Variants in CLEC16A observed in about 807,000 individuals in gnomAD.
The protein encoded by CLEC16A is protein CLEC16A.
CLEC16A carries 51 observed loss-of-function variants against 109.5 expected under a neutral mutation model. The ratio of observed to expected loss-of-function variants is 0.47; its 90% CI spans 0.37 to 0.59. The LOEUF is 0.59. CLEC16A is among the 20% of genes least tolerant of loss of function. CLEC16A has a pLI of 0.00. For missense variants in CLEC16A, 1,339 were observed against 1,394.0 expected, an observed-to-expected ratio of 0.96 and a Z score of 0.63; for synonymous variants, 673 against 564.2, an observed-to-expected ratio of 1.19 and a Z score of -2.73.
At chr16:11,140,994 C>T (rs567463871) in intron 22 of CLEC16A, among the ~76,000 whole-genome samples, 5 of 152,196 alleles carry the variant, frequency 3.3e-5, no homozygotes, top group African/African-American at 9.7e-5. Flanking sequence ...TTCACGTTAT[C>T]GTAGTGTCAT....
intron 22 of CLEC16A, among the ~76,000 whole-genome samples, chr16:11,159,642 C>A (rs1259537202): frequency 6.6e-6 from 1 of 152,248 alleles, no homozygotes; most frequent in Non-Finnish European, 1.5e-5. Context: ...CATTAAGCTG[C>A]TTTCAAAGAC....
At chr16:10,986,731 ATGTG>A (rs59931468) in intron 10 of CLEC16A, among the ~76,000 whole-genome samples, 74 of 150,230 alleles carry the variant, frequency 4.9e-4, no homozygotes, top group Admixed American at 8.5e-4. Context: ...TTAAGGCTCA[ATGTG>A]TGTGTGTGTG....
intron 11 of CLEC16A, among the ~76,000 whole-genome samples, chr16:11,017,999 TAAAAA>T (rs34526192): frequency 2.9e-5 from 4 of 138,792 alleles, no homozygotes; most frequent in Non-Finnish European, 4.7e-5. Flanking sequence ...AAAGAGGTAT[TAAAAA>T]AAAAAAAAAA....
chr16:11,138,524 G>A (rs1393017198), intron 22 of CLEC16A, among the ~76,000 whole-genome samples: 1 of 152,220 alleles, frequency 6.6e-6, no homozygotes, highest in African/African-American at 2.4e-5. Context: ...GAAGGGTGGA[G>A]TGGGAAGGCC....
At chr16:11,045,795 C>G (rs1271885115) in intron 16 of CLEC16A, among the ~76,000 whole-genome samples, 2 of 152,216 alleles carry the variant, frequency 1.3e-5, no homozygotes, top group Non-Finnish European at 2.9e-5. Context: ...CCTGTACTTT[C>G]ATTATTCAAG....
At chr16:11,037,221 G>T (rs77177653) in intron 13 of CLEC16A, among the ~76,000 whole-genome samples, 1 of 152,190 alleles carries the variant, frequency 6.6e-6, no homozygotes, top group Non-Finnish European at 1.5e-5. Context: ...CCAAGAGGAC[G>T]GGCCCCCTGT....
At chr16:11,082,088 G>C (rs916817210) in intron 19 of CLEC16A, among the ~76,000 whole-genome samples, 10 of 152,172 alleles carry the variant, frequency 6.6e-5, no homozygotes, top group African/African-American at 2.2e-4. Context: ...CAGGCCTCAA[G>C]TATATGTATG....
intron 19 of CLEC16A, among the ~76,000 whole-genome samples, chr16:11,086,571 T>C (rs931517333): frequency 6.6e-6 from 1 of 152,072 alleles, no homozygotes; most frequent in Non-Finnish European, 1.5e-5. Flanking sequence ...AGACGGAGTT[T>C]TGCTCTTGTT....
intron 3 of CLEC16A, among the ~76,000 whole-genome samples, chr16:10,967,523 A>G (rs1035726284): frequency 2.0e-5 from 3 of 152,164 alleles, no homozygotes; most frequent in Non-Finnish European, 2.9e-5. Flanking sequence ...GGTGCACACC[A>G]TCACACCTGG....
intron 11 of CLEC16A, among the ~76,000 whole-genome samples, chr16:11,010,428 A>G (rs1393801776): frequency 1.3e-5 from 2 of 152,078 alleles, no homozygotes; most frequent in African/African-American, 4.8e-5. Flanking sequence ...TTTTATTTGA[A>G]AATAATTTCA....
intron 19 of CLEC16A, among the ~76,000 whole-genome samples, chr16:11,080,508 G>A (rs9652601): frequency 0.34 from 52,169 of 152,108 alleles, 9,087 homozygotes; most frequent in African/African-American, 0.39. Flanking sequence ...TCAGTAGCCC[G>A]TGTCTGGAAC....
Position 11,163,991 on chromosome 16 carries a change from C to T in CLEC16A, c.2642-2397C>T, listed in dbSNP as rs1187619326. Among the ~76,000 whole-genome samples the T allele has an allele frequency of 3.9e-5, 6 of 152,290 alleles. No homozygotes were observed. In the East Asian group the frequency reaches 1.2e-3, roughly 29 times the overall value. On this transcript the variant is annotated intron_variant, in intron 22 of 23. Coordinates refer to ENST00000409790, the MANE Select transcript of CLEC16A (RefSeq NM_015226.3). ...AAGTGAGCAGCTATAAAACTGGTTC[C>T]ATGAGGCTGCGGCTGAGTGTCCCCA...
At chr16:11,102,611 T>C in intron 19 of CLEC16A, among the ~76,000 whole-genome samples, 1 of 152,198 alleles carries the variant, frequency 6.6e-6, no homozygotes, top group East Asian at 1.9e-4. Flanking sequence ...AACCGCTTCA[T>C]TTGAGTGACA....
Position 11,148,517 on chromosome 16 carries a change from AG to A in CLEC16A, c.2642-17868del, listed in dbSNP as rs1251406489. On this transcript the variant is annotated intron_variant, in intron 22 of 23. Coordinates refer to ENST00000409790, the MANE Select transcript of CLEC16A (RefSeq NM_015226.3). ...TAATCCTCACAATGATGTATGACATAGGGATTATTTCCCCCATATTATGCCA... is the reference window on the plus strand; with the variant it reads ...TAATCCTCACAATGATGTATGACATAGGATTATTTCCCCCATATTATGCCA... Among the ~76,000 whole-genome samples the A allele has an allele frequency of 4.6e-5, 7 of 152,346 alleles. 1 individual carries two copies. The Middle Eastern group carries it at 0.014, about 296-fold the overall frequency.
intron 19 of CLEC16A, among the ~76,000 whole-genome samples, chr16:11,101,669 C>A (rs1488699428): frequency 1.3e-5 from 2 of 152,172 alleles, no homozygotes; most frequent in East Asian, 3.8e-4. Context: ...TGACAAAAAT[C>A]CTTGCCCTCA....
At chr16:11,125,099 C>T (rs773416022) in intron 21 of CLEC16A, among the ~76,000 whole-genome samples, 1 of 152,108 alleles carries the variant, frequency 6.6e-6, no homozygotes, top group African/African-American at 2.4e-5. Flanking sequence ...AAAATAAACC[C>T]TCAGAGGGCC....
rs1257669788 is a variant in CLEC16A, at chr16:11,178,637, C to A, written c.3109C>A (p.Pro1037Thr). Residue 1037 changes from proline (P) to threonine (T), a missense_variant, in exon 24 of 24, where the codon CCC becomes ACC. This residue lies in a region of CLEC16A where 1,061 missense variants were observed against 1,006.8 expected (regional missense o/e 1.05). Coordinates refer to ENST00000409790, the MANE Select transcript of CLEC16A (RefSeq NM_015226.3). This position sits in a 1 kb window ranked among gnomAD's most constrained non-coding sequence, Gnocchi z 6.5. Reference protein sequence around the residue: ...LSTPAAACTEPVGEEAACAEP... With the variant: ...LSTPAAACTETVGEEAACAEP... ...CACGCCGGCTGCCGCCTGCACAGAG[C>A]CCGTGGGCGAAGAGGCTGCATGTGC... 1.3e-6 allele frequency: 2 copies of A among 1,585,220 alleles called. No individual in the cohort carries two copies.
intron 6 of CLEC16A, 146 bp downstream of exon 6, chr16:10,972,705 C>T (rs2042852156): frequency 1.2e-6 from 1 of 851,856 alleles, no homozygotes; most frequent in Non-Finnish European, 1.8e-6. Flanking sequence ...ATGTTTAGCC[C>T]AACTAATTTA....
Position 11,178,448 on chromosome 16 carries a change from G to C in CLEC16A, c.2920G>C (p.Val974Leu). 2.5e-6 allele frequency: 4 copies of C among 1,613,530 alleles called. No homozygotes were observed. The highest frequency in any genetic ancestry group is 3.4e-6 in the Non-Finnish European group (4 of 1,179,882). The change falls in exon 24 of 24, where the codon GTG (valine) becomes CTG (leucine). Residue 974 changes from valine (V) to leucine (L), a missense_variant. Coordinates refer to ENST00000409790, the MANE Select transcript of CLEC16A (RefSeq NM_015226.3). The surrounding 1 kb of genome is among the most constrained non-coding windows in gnomAD (Gnocchi z 6.5). ...CAAGAACGTGGCCAGGAGCGCAGCC[G>C]TGGAGACAGCCAGCCTGTCCCCCAG... ...PSKNVARSAA[V>L]ETASLSPSLV...
Sources: gnomAD v4.1 joint callset for allele counts (sites outside exome capture counted in the v4.1 genomes callset) on GRCh38, gnomAD v4.1.1 for gene constraint, gnomAD v4.1.1 regional missense constraint, Gnocchi (gnomAD v3.1) non-coding constraint, MANE v1.5 for transcripts, NCBI Gene and HGNC (gene_info 2026-07-23, HGNC 2026-07-21) for gene names.